The following CSMD1 variants were observed in gnomAD, a reference collection of about 807,000 sequenced individuals.
The protein encoded by CSMD1 is CUB and Sushi multiple domains 1.
Under a neutral mutation model 417.5 loss-of-function variants are expected in CSMD1, and 213 were observed. The observed-to-expected ratio is 0.51, with a 90% CI of 0.46 to 0.57. The LOEUF (loss-of-function observed/expected upper bound fraction) is 0.57, where lower values mean the gene tolerates loss of function less well. CSMD1 is among the 20% of genes least tolerant of loss of function. The pLI, the probability that CSMD1 is intolerant of heterozygous loss-of-function variation, is 0.00. For missense variants in CSMD1, 6,923 were observed against 4,529.7 expected, an observed-to-expected ratio of 1.53 and a Z score of -15.17; for synonymous variants, 2,862 against 1,736.8, an observed-to-expected ratio of 1.65 and a Z score of -16.11.
chr8:4,823,758 T>G (rs144270229), intron 1 of CSMD1, among the ~76,000 whole-genome samples: 2 of 151,850 alleles, frequency 1.3e-5, no homozygotes, highest in South Asian at 2.1e-4. Context: ...TTAGCCAGTG[T>G]GGTGGTGGTG....
rs148877707 is a variant in CSMD1 at position 4,971,946 on chromosome 8, T to A, written c.85+22386A>T. 3.4e-4 allele frequency among the ~76,000 whole-genome samples: 51 copies of A among 152,126 alleles called. 1 individual carries two copies. The East Asian group carries it at 9.9e-3, about 29-fold the overall frequency. On this transcript the variant is annotated intron_variant, in intron 1 of 69. Coordinates refer to ENST00000635120, the MANE Select transcript of CSMD1 (RefSeq NM_033225.6). ...AAAATAAACTCATTGGGAGCAAACA[T>A]CATGCATTTGAAGGATAATAAACAG...
At chr8:3,611,229 A>C (rs1801877830) in intron 8 of CSMD1, among the ~76,000 whole-genome samples, 1 of 141,942 alleles carries the variant, frequency 7.0e-6, no homozygotes, top group Admixed American at 7.4e-5. Context: ...AACTTAAAGT[A>C]TAATAATAAT....
intron 23 of CSMD1, among the ~76,000 whole-genome samples, chr8:3,333,972 G>C (rs1032700320): frequency 1.3e-5 from 2 of 152,148 alleles, no homozygotes; most frequent in Non-Finnish European, 2.9e-5. Context: ...AGCTTGTATA[G>C]GATTTCCAAA....
chr8:3,907,175 C>T lies in CSMD1; in HGVS notation c.818+90728G>A, dbSNP rs190135856. On this transcript the variant is annotated intron_variant, in intron 5 of 69. Coordinates refer to ENST00000635120, the MANE Select transcript of CSMD1 (RefSeq NM_033225.6). ...TGTGTATTACTTTAAACGGCACACACGCATGTTACCTGAATCAGCGATCTG... is the reference window on the plus strand; with the variant it reads ...TGTGTATTACTTTAAACGGCACACATGCATGTTACCTGAATCAGCGATCTG... 4.3e-4 allele frequency among the ~76,000 whole-genome samples: 65 copies of T among 152,274 alleles called. No homozygotes were observed. In the East Asian group the frequency reaches 9.8e-3, roughly 23 times the overall value.
At chr8:3,154,219 T>C (rs921509787) in intron 39 of CSMD1, among the ~76,000 whole-genome samples, 3 of 152,220 alleles carry the variant, frequency 2.0e-5, no homozygotes, top group African/African-American at 7.2e-5. Context: ...GTGATCCACC[T>C]GCCTCGGCCT....
intron 3 of CSMD1, among the ~76,000 whole-genome samples, chr8:4,309,531 G>A (rs979621055): frequency 6.6e-6 from 1 of 151,934 alleles, no homozygotes; most frequent in South Asian, 2.1e-4. Flanking sequence ...CTGTAACACA[G>A]ACAAAGTATA....
chr8:4,152,496 T>C (rs939860933), intron 3 of CSMD1, among the ~76,000 whole-genome samples: 2 of 147,742 alleles, frequency 1.4e-5, no homozygotes, highest in African/African-American at 5.0e-5. Flanking sequence ...TGGAAAACAC[T>C]GCAAAGCCCT....
chr8:3,093,929 G>C (rs986786135), intron 47 of CSMD1, among the ~76,000 whole-genome samples: 2 of 152,068 alleles, frequency 1.3e-5, no homozygotes, highest in African/African-American at 4.8e-5. Flanking sequence ...CATAATCAAA[G>C]ACAAAGCGTG....
At chr8:3,048,871 C>A (rs1361728269) in intron 50 of CSMD1, among the ~76,000 whole-genome samples, 1 of 111,812 alleles carries the variant, frequency 8.9e-6, no homozygotes, top group Non-Finnish European at 2.1e-5. Context: ...ATATAAAGAA[C>A]TCTTAAAAAA....
At chr8:4,096,696 GTCAC>G (rs1801029641) in intron 3 of CSMD1, among the ~76,000 whole-genome samples, 1 of 152,174 alleles carries the variant, frequency 6.6e-6, no homozygotes, top group Non-Finnish European at 1.5e-5. Context: ...TTCCAAAAGC[GTCAC>G]TCACTAATCC....
chr8:2,971,936 A>T (rs968832260), intron 57 of CSMD1, among the ~76,000 whole-genome samples: 2 of 152,136 alleles, frequency 1.3e-5, no homozygotes, highest in African/African-American at 2.4e-5. Flanking sequence ...ATTATCTTGG[A>T]TTATCATGTT....
At chr8:3,305,487 G>A (rs924327368) in intron 25 of CSMD1, among the ~76,000 whole-genome samples, 1 of 152,038 alleles carries the variant, frequency 6.6e-6, no homozygotes, top group African/African-American at 2.4e-5. Flanking sequence ...CTGTTATCAT[G>A]GGAGTGGGTT....
intron 21 of CSMD1, among the ~76,000 whole-genome samples, chr8:3,358,447 C>A (rs570539996): frequency 6.6e-6 from 1 of 152,320 alleles, no homozygotes; most frequent in South Asian, 2.1e-4. Context: ...ATTTAAGCTA[C>A]AACGGCAGTT....
intron 7 of CSMD1, among the ~76,000 whole-genome samples, chr8:3,698,636 C>T (rs549274314): frequency 7.9e-5 from 12 of 152,148 alleles, no homozygotes; most frequent in Non-Finnish European, 1.3e-4. Context: ...AAAGCAAGAC[C>T]TGATGATGAG....
chr8:4,383,090 C>G (rs1407497521), intron 3 of CSMD1, among the ~76,000 whole-genome samples: 1 of 152,156 alleles, frequency 6.6e-6, no homozygotes, highest in Non-Finnish European at 1.5e-5. Context: ...TTAAGCAATG[C>G]TATCATCCTC....
chr8:4,082,013 T>C (rs1800162463), intron 3 of CSMD1, among the ~76,000 whole-genome samples: 2 of 152,004 alleles, frequency 1.3e-5, no homozygotes, highest in Admixed American at 1.3e-4. Flanking sequence ...TATATAAAAT[T>C]TTAAAAGGCA....
chr8:3,799,785 C>T (rs953487748), intron 5 of CSMD1, among the ~76,000 whole-genome samples: 2 of 152,024 alleles, frequency 1.3e-5, no homozygotes, highest in Admixed American at 1.3e-4. Flanking sequence ...ATTTTCATAT[C>T]TATGAAATTC....
intron 2 of CSMD1, among the ~76,000 whole-genome samples, chr8:4,559,465 G>T (rs923117408): frequency 3.9e-5 from 6 of 152,256 alleles, no homozygotes; most frequent in African/African-American, 1.4e-4. Flanking sequence ...ATATAACCAT[G>T]GAGTAGAAAA....
chr8:3,159,798 G>C (rs529167169), intron 38 of CSMD1, among the ~76,000 whole-genome samples: 2 of 152,258 alleles, frequency 1.3e-5, no homozygotes, highest in Admixed American at 1.3e-4. Context: ...GTGTCCCTAA[G>C]CAGCATATTC....
Sources: gnomAD v4.1 joint callset for allele counts (sites outside exome capture counted in the v4.1 genomes callset) on GRCh38, gnomAD v4.1.1 for gene constraint, MANE v1.5 for transcripts, NCBI Gene and HGNC (gene_info 2026-07-23, HGNC 2026-07-21) for gene names.